The following ANKH variants were observed in gnomAD, a reference collection of about 807,000 sequenced individuals.
The protein encoded by ANKH is ANKH inorganic pyrophosphate transport regulator.
In ANKH, 15 loss-of-function variants were observed where a neutral mutation model predicts 49.0. The ratio of observed to expected loss-of-function variants is 0.31; its 90% CI spans 0.20 to 0.47. ANKH has a LOEUF of 0.47. Ranked by LOEUF, ANKH falls within the 20% of genes least tolerant of loss-of-function variation. The probability of loss-of-function intolerance (pLI) is 1.00; values close to 1 mark genes in which losing one functional copy is unlikely to be tolerated. For synonymous variants in ANKH, 273 were observed against 260.0 expected, an observed-to-expected ratio of 1.05 and a Z score of -0.48; for missense variants, 429 against 652.0, an observed-to-expected ratio of 0.66 and a Z score of 3.72.
chr5:14,858,298 A>G (rs1735350547), intron 1 of ANKH, among the ~76,000 whole-genome samples: 1 of 152,116 alleles, frequency 6.6e-6, no homozygotes, highest in Non-Finnish European at 1.5e-5. Context: ...AGTCCTTTGT[A>G]TCATTCTTAT....
chr5:14,781,236 T>A (rs1264309348), intron 1 of ANKH, among the ~76,000 whole-genome samples: 7 of 152,208 alleles, frequency 4.6e-5, no homozygotes, highest in Non-Finnish European at 1.0e-4. Context: ...TCTGTTTAGC[T>A]AGAGCTTCAG....
chr5:14,755,336 G>A (rs1738852506), intron 4 of ANKH, among the ~76,000 whole-genome samples: 1 of 152,190 alleles, frequency 6.6e-6, no homozygotes, highest in Admixed American at 6.5e-5. Context: ...CAGACCGCGT[G>A]GAAAGGTAGC....
intron 1 of ANKH, among the ~76,000 whole-genome samples, chr5:14,819,331 T>C (rs1178773070): frequency 1.3e-5 from 2 of 152,218 alleles, no homozygotes; most frequent in Admixed American, 6.5e-5. Flanking sequence ...CAGGCACCCA[T>C]ATCTATGTGG....
chr5:14,716,352 G>T (rs577721870), intron 9 of ANKH, among the ~76,000 whole-genome samples: 3 of 152,172 alleles, frequency 2.0e-5, no homozygotes, highest in Non-Finnish European at 4.4e-5. Context: ...AATTAGTTGG[G>T]TATGGTGGTG....
In ANKH at chr5:14,708,258, C is replaced by G. The variant is rs1737018043; in HGVS notation, c.*2939G>C. On this transcript the variant is annotated 3_prime_UTR_variant, in exon 12 of 12. Transcript: ENST00000284268. Reference sequence around the variant, plus strand: ...TTCCTATGCTTTGAGCTGCCCAAACCTATTATTTCTCAGCATCTAAATGAA... The same window carrying G: ...TTCCTATGCTTTGAGCTGCCCAAACGTATTATTTCTCAGCATCTAAATGAA... 6.6e-6 allele frequency: 1 copy of G among 152,208 alleles called. No individual in the cohort carries two copies. The highest frequency in any genetic ancestry group is 2.4e-5 in the African/African-American group (1 of 41,446). The allele number at this position is 152,208 out of a possible 1,614,324, so 9.4% of individuals were successfully genotyped here.
At position 14,713,070 on chromosome 5, in the gene ANKH, C is replaced by T. The variant is rs528232158; in HGVS notation, c.1266-97G>A. 122 of 1,187,260 alleles carry T rather than the reference C, an allele frequency of 1.0e-4. 1 individual carries two copies. Among genetic ancestry groups the T allele is most frequent in the African/African-American group, 8.0e-4 (53 of 66,170 alleles). The allele number at this position is 1,187,260 out of a possible 1,614,324, so 73.5% of individuals were successfully genotyped here. A position where few individuals can be genotyped will look rare whatever the true frequency, so the allele number is the denominator to read the frequency against. On this transcript the variant is annotated intron_variant, in intron 10 of 11. Coordinates refer to ENST00000284268, the MANE Select transcript of ANKH (RefSeq NM_054027.6). This position sits in a 1 kb window ranked among gnomAD's most constrained non-coding sequence, Gnocchi z 4.4. ...CAGGAAAGTAAGTGTAGCCTCGAGA[C>T]GGCTGAGACCAGCGGCGTTCTCCAT...
At chr5:14,728,678 TGCCACA>T (rs1737897555) in intron 8 of ANKH, among the ~76,000 whole-genome samples, 1 of 152,178 alleles carries the variant, frequency 6.6e-6, no homozygotes, top group Non-Finnish European at 1.5e-5. Flanking sequence ...GGGGGAAGGT[TGCCACA>T]GGAAGGTGAG....
In ANKH at chr5:14,767,667, A is replaced by G. The variant is rs551221563; in HGVS notation, c.313+1308T>C. Among the ~76,000 whole-genome samples, 14 of 152,338 alleles carry G rather than the reference A, an allele frequency of 9.2e-5. No individual in the cohort carries two copies. In the South Asian group the frequency reaches 2.5e-3, roughly 27 times the overall value. On this transcript the variant is annotated intron_variant, in intron 2 of 11. Transcript: ENST00000284268. ...TTTAGTCCCAAAGTTTCATCCAACC[A>G]TGGCTAAATAGGGAATGTTGGATTA...
At chr5:14,853,772 A>G (rs1742180926) in intron 1 of ANKH, among the ~76,000 whole-genome samples, 1 of 152,182 alleles carries the variant, frequency 6.6e-6, no homozygotes, top group South Asian at 2.1e-4. Context: ...TCACAACTAG[A>G]TGGTAAACTA....
intron 2 of ANKH, among the ~76,000 whole-genome samples, chr5:14,766,069 T>C (rs970170934): frequency 1.3e-5 from 2 of 152,128 alleles, no homozygotes; most frequent in African/African-American, 2.4e-5. Context: ...CTTGACTCCA[T>C]TTTGTATCAA....
chr5:14,856,934 T>G (rs962664133), intron 1 of ANKH, among the ~76,000 whole-genome samples: 17 of 152,088 alleles, frequency 1.1e-4, no homozygotes, highest in African/African-American at 4.1e-4. Flanking sequence ...TGTGGATGTT[T>G]TTTTCTCCTT....
intron 1 of ANKH, among the ~76,000 whole-genome samples, chr5:14,793,021 A>AAAATATAT (rs1444535355): frequency 2.9e-5 from 2 of 68,360 alleles, no homozygotes; most frequent in Non-Finnish European, 5.6e-5. Context: ...TATATATATA[A>AAAATATAT]ATATATATAT....
chr5:14,726,243 C>T (rs371061053), intron 8 of ANKH, among the ~76,000 whole-genome samples: 3 of 152,246 alleles, frequency 2.0e-5, no homozygotes, highest in South Asian at 4.1e-4. Flanking sequence ...AGAGAGCTGA[C>T]GCAGCCATAA....
rs26307 is a variant in ANKH, at chr5:14,705,556, T to C, written c.*5641A>G. 0.72 allele frequency: 109,766 copies of C among 152,188 alleles called. 40,785 individuals are homozygous for C. Among genetic ancestry groups the C allele is most frequent in the Middle Eastern group, 0.85 (251 of 294 alleles). 9.4% of individuals were successfully genotyped at this position (152,188 alleles called of 1,614,324 possible). A position where few individuals can be genotyped will look rare whatever the true frequency, so the allele number is the denominator to read the frequency against. ...TGTCGGCATGGAACAGAATCACGTG[T>C]GTGGCTCTTGTCCACTTTCCCGAAG... On this transcript the variant is annotated 3_prime_UTR_variant, in exon 12 of 12. Transcript: ENST00000284268.
intron 8 of ANKH, among the ~76,000 whole-genome samples, chr5:14,721,357 C>T (rs1737653097): frequency 6.6e-6 from 1 of 152,176 alleles, no homozygotes; most frequent in Non-Finnish European, 1.5e-5. Flanking sequence ...AGTTTTCAAC[C>T]ACACACACCT....
chr5:14,851,178 G>C (rs1372327319), intron 1 of ANKH, among the ~76,000 whole-genome samples: 1 of 152,144 alleles, frequency 6.6e-6, no homozygotes, highest in Non-Finnish European at 1.5e-5. Context: ...AGGAGGTTTA[G>C]GACACCAACA....
At chr5:14,732,010 T>C (rs1233828153) in intron 8 of ANKH, among the ~76,000 whole-genome samples, 2 of 152,000 alleles carry the variant, frequency 1.3e-5, no homozygotes, top group African/African-American at 4.8e-5. Context: ...AGGACCCAGG[T>C]TTCTGTGGAC....
At chr5:14,827,713 T>G (rs186555956) in intron 1 of ANKH, among the ~76,000 whole-genome samples, 253 of 152,166 alleles carry the variant, frequency 1.7e-3, no homozygotes, top group Non-Finnish European at 2.1e-3. Context: ...GGACCTTTGT[T>G]GTATTTCTCC....
At chr5:14,753,938 T>C (rs918969314) in intron 4 of ANKH, among the ~76,000 whole-genome samples, 1 of 152,238 alleles carries the variant, frequency 6.6e-6, no homozygotes, top group African/African-American at 2.4e-5. Flanking sequence ...GTACTTTGCA[T>C]GGAATCCATT....
Sources: allele counts gnomAD v4.1 joint callset (sites outside exome capture counted in the v4.1 genomes callset), GRCh38; gene constraint gnomAD v4.1.1; non-coding constraint Gnocchi (gnomAD v3.1); transcripts MANE v1.5; gene names NCBI Gene and HGNC (gene_info 2026-07-23, HGNC 2026-07-21).